The following POLDIP3 variants were observed in gnomAD, a reference collection of about 807,000 sequenced individuals.
POLDIP3 encodes the protein polymerase delta-interacting protein 3.
Under a neutral mutation model 45.1 loss-of-function variants are expected in POLDIP3, and 14 were observed. The ratio of observed to expected loss-of-function variants is 0.31; its 90% CI spans 0.20 to 0.49. POLDIP3 has a LOEUF of 0.49. POLDIP3 is among the 20% of genes least tolerant of loss of function. POLDIP3 has a pLI of 0.99. For missense variants in POLDIP3, 511 were observed against 538.8 expected (o/e 0.95, Z 0.51); for synonymous variants, 223 against 205.2 (o/e 1.09, Z -0.74).
rs1925274467 is a variant in POLDIP3, at chr22:42,585,866, G to A, written c.1191C>T (p.Thr397=). 1 of 1,613,336 alleles carries A rather than the reference G, an allele frequency of 6.2e-7. No individual in the cohort carries two copies. Among genetic ancestry groups the A allele is most frequent in the Non-Finnish European group, 8.5e-7 (1 of 1,179,994 alleles). The change falls in exon 9 of 9, where the codon ACC becomes ACT. Residue 397 remains threonine, a synonymous_variant. Coordinates refer to ENST00000252115, the MANE Select transcript of POLDIP3 (RefSeq NM_032311.5). ...AGGACTTGAAGAGTGCCTTCAGGAT[G>A]GTGTCAGGGTCCACTTCGGCAGGGG... ...SNPPAEVDPD[T]ILKALFKSSG...
chr22:42,610,798 T>A (rs1385239355), intron 1 of POLDIP3, among the ~76,000 whole-genome samples: 1 of 152,122 alleles, frequency 6.6e-6, no homozygotes, highest in Non-Finnish European at 1.5e-5. Flanking sequence ...CCCAGCTACC[T>A]GGTAGGCTGA....
At chr22:42,588,310 C>A (rs1468506193) in intron 7 of POLDIP3, among the ~76,000 whole-genome samples, 1 of 151,894 alleles carries the variant, frequency 6.6e-6, no homozygotes, top group African/African-American at 2.4e-5. Context: ...AAAAAATTAG[C>A]TGGGTGTGGT....
intron 7 of POLDIP3, among the ~76,000 whole-genome samples, chr22:42,589,843 C>CA (rs544985562): frequency 0.023 from 2,921 of 128,636 alleles, 91 homozygotes; most frequent in African/African-American, 0.075. Context: ...GACTCCGTAT[C>CA]AAAAAAAAAA....
chr22:42,609,612 T>C (rs900854264), intron 1 of POLDIP3, among the ~76,000 whole-genome samples: 3 of 152,122 alleles, frequency 2.0e-5, no homozygotes. Context: ...ATAAAGCAGA[T>C]TTTAACCCAT....
intron 1 of POLDIP3, among the ~76,000 whole-genome samples, chr22:42,608,052 G>T (rs767407104): frequency 6.6e-6 from 1 of 152,240 alleles, no homozygotes; most frequent in South Asian, 2.1e-4. Context: ...CACCCCGTCT[G>T]GGAGGTGTAC....
chr22:42,586,947 T>A (rs922472131), intron 8 of POLDIP3, among the ~76,000 whole-genome samples: 2 of 152,124 alleles, frequency 1.3e-5, no homozygotes, highest in Non-Finnish European at 2.9e-5. Context: ...CCACTGTACT[T>A]AAAAGCCAAA....
chr22:42,597,416 A>T (rs1471321813), intron 4 of POLDIP3, among the ~76,000 whole-genome samples: 1 of 152,174 alleles, frequency 6.6e-6, no homozygotes. Flanking sequence ...CCTCATGTGG[A>T]ATTCTGCGTC....
intron 1 of POLDIP3, among the ~76,000 whole-genome samples, chr22:42,610,805 C>A (rs1202434127): frequency 6.6e-6 from 1 of 152,176 alleles, no homozygotes; most frequent in Admixed American, 6.5e-5. Context: ...ACCTGGTAGG[C>A]TGAGGCAGGA....
chr22:42,609,340 A>G (rs1355165232), intron 1 of POLDIP3, among the ~76,000 whole-genome samples: 1 of 152,198 alleles, frequency 6.6e-6, no homozygotes, highest in Non-Finnish European at 1.5e-5. Context: ...AACTGCTTCC[A>G]GGGCTTCACC....
At chr22:42,597,795 T>C in intron 4 of POLDIP3, 1 of 461,884 alleles carries the variant, frequency 2.2e-6, no homozygotes, top group Non-Finnish European at 4.5e-6. Context: ...TTTTTTTTTT[T>C]TTTGAGACGG....
rs146421108 is a variant in POLDIP3 at position 42,592,222 on chromosome 22, G to T, written c.892-138C>A. 3.9e-4 allele frequency: 493 copies of T among 1,268,024 alleles called. 1 individual carries two copies. In the African/African-American group the frequency reaches 6.6e-3, roughly 17 times the overall value. 78.5% of individuals were successfully genotyped at this position (1,268,024 alleles called of 1,614,324 possible). ...GCCTGAGACTGCGGGGAGGCTCCACGCGAGGTGGTGCTCTGGAGACATCCA... is the reference window on the plus strand; with the variant it reads ...GCCTGAGACTGCGGGGAGGCTCCACTCGAGGTGGTGCTCTGGAGACATCCA... On this transcript the variant is annotated intron_variant, in intron 6 of 8. Coordinates refer to ENST00000252115, the MANE Select transcript of POLDIP3 (RefSeq NM_032311.5).
In POLDIP3 at chr22:42,583,997, A is replaced by G. The variant is rs1013887253; in HGVS notation, c.*1794T>C. 2 of 152,364 alleles carry G rather than the reference A, an allele frequency of 1.3e-5. No individual in the cohort carries two copies. The highest frequency in any genetic ancestry group is 6.6e-5 in the Admixed American group (1 of 15,258). 9.4% of individuals were successfully genotyped at this position (152,364 alleles called of 1,614,324 possible). On this transcript the variant is annotated 3_prime_UTR_variant, in exon 9 of 9. Coordinates refer to ENST00000252115, the MANE Select transcript of POLDIP3 (RefSeq NM_032311.5). The stretch of plus-strand genomic sequence containing the variant: ...GGCCACGTGGCTGCAGCTGGACTCA[A>G]TGAAACTCTGTGACAACCAGAAGAT...
intron 3 of POLDIP3, among the ~76,000 whole-genome samples, chr22:42,601,669 G>A (rs540243819): frequency 6.6e-6 from 1 of 152,338 alleles, no homozygotes; most frequent in African/African-American, 2.4e-5. Flanking sequence ...GCTGAGGCAG[G>A]AGAATCACTT....
chr22:42,605,626 G>A (rs1235283929), intron 1 of POLDIP3, among the ~76,000 whole-genome samples: 1 of 152,104 alleles, frequency 6.6e-6, no homozygotes, highest in East Asian at 1.9e-4. Context: ...GGCCATTCCT[G>A]TCCTATTTTT....
At chr22:42,613,218 GCCAGCA>G (rs1261293684) in intron 1 of POLDIP3, among the ~76,000 whole-genome samples, 1 of 152,214 alleles carries the variant, frequency 6.6e-6, no homozygotes, top group Non-Finnish European at 1.5e-5. Context: ...GGCCAGAGGA[GCCAGCA>G]CCAGCTTCAC....
At chr22:42,591,863 C>T in intron 7 of POLDIP3, 92 bp downstream of exon 7, 1 of 1,540,514 alleles carries the variant, frequency 6.5e-7, no homozygotes, top group Non-Finnish European at 8.9e-7. Flanking sequence ...GGGTTCCACC[C>T]ATCTCACAGA....
intron 6 of POLDIP3, among the ~76,000 whole-genome samples, chr22:42,593,518 TTTAA>T (rs1360231710): frequency 6.6e-6 from 1 of 152,172 alleles, no homozygotes; most frequent in Non-Finnish European, 1.5e-5. Context: ...CCTTAACAGC[TTTAA>T]TTCTTTTCTT....
chr22:42,595,484 T>G, intron 6 of POLDIP3, 53 bp downstream of exon 6: 2 of 1,545,890 alleles, frequency 1.3e-6, no homozygotes, highest in Non-Finnish European at 8.9e-7. Context: ...TTAAGAGACC[T>G]TTGCCACAGA....
intron 1 of POLDIP3, among the ~76,000 whole-genome samples, chr22:42,613,387 G>C (rs996148748): frequency 1.3e-5 from 2 of 152,232 alleles, no homozygotes; most frequent in Admixed American, 6.5e-5. Context: ...CAAGTGTCCA[G>C]GATGGGGAAG....
Sources: gnomAD v4.1 joint callset for allele counts (sites outside exome capture counted in the v4.1 genomes callset) on GRCh38, gnomAD v4.1.1 for gene constraint, MANE v1.5 for transcripts, NCBI Gene and HGNC (gene_info 2026-07-23, HGNC 2026-07-21) for gene names.